The following DDX52 variants were observed in gnomAD, a reference collection of about 807,000 sequenced individuals.
DDX52 encodes the protein DExD-box helicase 52.
In DDX52, 59 loss-of-function variants were observed where a neutral mutation model predicts 76.1. The ratio of observed to expected loss-of-function variants is 0.78; its 90% CI spans 0.63 to 0.96. DDX52 has a LOEUF of 0.96. Ranked by LOEUF, DDX52 falls within the 40% of genes least tolerant of loss-of-function variation. The pLI is 0.00. For missense variants in DDX52, 707 were observed against 703.9 expected (o/e 1.00, Z -0.05); for synonymous variants, 231 against 244.1 (o/e 0.95, Z 0.50).
intron 9 of DDX52, among the ~76,000 whole-genome samples, chr17:37,622,762 A>G (rs545037464): frequency 7.9e-5 from 12 of 152,334 alleles, no homozygotes; most frequent in African/African-American, 2.6e-4. Flanking sequence ...TCTGGTGTAT[A>G]ATCTCCAAGG....
At chr17:37,624,533 A>C in intron 8 of DDX52, 99 bp from the exon 9 acceptor site, 1 of 813,318 alleles carries the variant, frequency 1.2e-6, no homozygotes, top group Non-Finnish European at 1.8e-6. Flanking sequence ...CTCCAACAAA[A>C]TCAATTTTTC....
At position 37,643,388 on chromosome 17, in the gene DDX52, G is replaced by T. The variant is rs763757095; in HGVS notation, c.33C>A (p.Gly11=). 1 of 1,613,922 alleles carries T rather than the reference G, an allele frequency of 6.2e-7. No homozygotes were observed. The highest frequency in any genetic ancestry group is 8.5e-7 in the Non-Finnish European group (1 of 1,179,904). MDVHDLFRRL[G]AGAKFDTRRF... ...GTCTCGTGTCGAATTTGGCCCCCGC[G>T]CCGAGCCGGCGAAAGAGATCGTGGA... Residue 11 remains glycine, a synonymous_variant, in exon 1 of 15, where the codon GGC becomes GGA. Coordinates refer to ENST00000617633, the MANE Select transcript of DDX52 (RefSeq NM_007010.5).
At chr17:37,619,701 G>GAAAAAAAAAA in intron 13 of DDX52, 67 bp downstream of exon 13, 1 of 1,161,914 alleles carries the variant, frequency 8.6e-7, no homozygotes, top group Non-Finnish European at 1.2e-6. Context: ...AACAGAGCAA[G>GAAAAAAAAAA]AAAAAAAAAA....
chr17:37,636,023 T>G (rs1027299691), intron 2 of DDX52, among the ~76,000 whole-genome samples: 5 of 152,244 alleles, frequency 3.3e-5, no homozygotes, highest in Non-Finnish European at 7.3e-5. Context: ...TGATATACAT[T>G]TTGCAAATAT....
chr17:37,632,947 G>A (rs752033013), intron 3 of DDX52, among the ~76,000 whole-genome samples: 6 of 152,066 alleles, frequency 3.9e-5, no homozygotes, highest in Admixed American at 1.3e-4. Context: ...CTTCTAAACC[G>A]GTGAGCTCAA....
Position 37,614,174 on chromosome 17 carries a change from CTTGTAG to C in DDX52, c.*116_*121del. 1 of 996,022 alleles carries C rather than the reference CTTGTAG, an allele frequency of 1.0e-6. No homozygotes were observed. Among genetic ancestry groups the C allele is most frequent in the South Asian group, 1.7e-5 (1 of 57,556 alleles). The allele number at this position is 996,022 out of a possible 1,614,324, so 61.7% of individuals were successfully genotyped here. On this transcript the variant is annotated 3_prime_UTR_variant, in exon 15 of 15. Coordinates refer to ENST00000617633, the MANE Select transcript of DDX52 (RefSeq NM_007010.5). ...GATCATTTATCACCAGTCCCATGTA[CTTGTAG>C]TTGATTTCAAATGTTTGGTACAGGT...
chr17:37,633,204 T>C, intron 3 of DDX52, 84 bp downstream of exon 3: 1 of 1,369,752 alleles, frequency 7.3e-7, no homozygotes, highest in Non-Finnish European at 9.6e-7. Context: ...ATATTCACAT[T>C]AACAACAGAA....
intron 8 of DDX52, among the ~76,000 whole-genome samples, chr17:37,625,378 T>C (rs958095616): frequency 6.6e-6 from 1 of 152,172 alleles, no homozygotes; most frequent in Non-Finnish European, 1.5e-5. Context: ...CTTAATATGG[T>C]ACTACAAACA....
chr17:37,610,463 G>C lies in DDX52; in HGVS notation c.*3833C>G, dbSNP rs2064311552. ...TTTCTTTTAATCAAACTACTGTCTG[G>C]AAGTAAAACATGAAAGTTGAGTAAT... is the stretch of plus-strand genomic sequence containing the variant. On this transcript the variant is annotated 3_prime_UTR_variant, in exon 15 of 15. Coordinates refer to ENST00000617633, the MANE Select transcript of DDX52 (RefSeq NM_007010.5). The C allele has an allele frequency of 6.6e-6, 1 of 152,000 alleles. No homozygotes were observed. The highest frequency in any genetic ancestry group is 1.5e-5 in the Non-Finnish European group (1 of 67,994). 9.4% of individuals were successfully genotyped at this position (152,000 alleles called of 1,614,324 possible). A position where few individuals can be genotyped will look rare whatever the true frequency, so the allele number is the denominator to read the frequency against.
intron 2 of DDX52, among the ~76,000 whole-genome samples, chr17:37,639,237 A>G (rs1378727133): frequency 5.3e-5 from 8 of 152,236 alleles, no homozygotes; most frequent in African/African-American, 1.9e-4. Flanking sequence ...GAAGAACGTA[A>G]TATGATAAGG....
At chr17:37,616,916 T>G (rs188617038) in intron 14 of DDX52, among the ~76,000 whole-genome samples, 136 of 152,310 alleles carry the variant, frequency 8.9e-4, no homozygotes, top group Admixed American at 1.4e-3. Context: ...CAAAGCACAC[T>G]CTAATTTTCA....
chr17:37,617,776 C>T (rs1202701824), intron 14 of DDX52, among the ~76,000 whole-genome samples: 2 of 152,040 alleles, frequency 1.3e-5, no homozygotes, highest in Non-Finnish European at 2.9e-5. Flanking sequence ...TAATATTTTC[C>T]AAGACGGAAA....
intron 5 of DDX52, among the ~76,000 whole-genome samples, chr17:37,629,342 G>C (rs975909551): frequency 1.3e-5 from 2 of 151,350 alleles, no homozygotes; most frequent in Non-Finnish European, 2.9e-5. Context: ...TGGGAGGGTA[G>C]AACAGATCAC....
intron 2 of DDX52, among the ~76,000 whole-genome samples, chr17:37,637,829 A>G (rs533930764): frequency 3.9e-5 from 6 of 151,928 alleles, no homozygotes; most frequent in African/African-American, 1.4e-4. Flanking sequence ...CCACCTCGGC[A>G]TCCCAAAGTG....
intron 4 of DDX52, 115 bp downstream of exon 4, chr17:37,631,998 A>G: frequency 6.9e-7 from 1 of 1,442,190 alleles, no homozygotes; most frequent in South Asian, 1.2e-5. Flanking sequence ...AAAGGAAGTG[A>G]AGGATTTTAA....
chr17:37,639,377 G>A lies in DDX52; in HGVS notation c.286+2733C>T, dbSNP rs1459300271. The stretch of plus-strand genomic sequence containing the variant: ...TAAAAAAATTTTGTTCCCTTTATGA[G>A]ACAGTTGGTACTAAATGACCCAAAT... On this transcript the variant is annotated intron_variant, in intron 2 of 14. Transcript: ENST00000617633. 5.1e-6 allele frequency: 5 copies of A among 986,308 alleles called. No individual in the cohort carries two copies. The East Asian group carries it at 4.5e-4, about 89-fold the overall frequency. The allele number at this position is 986,308 out of a possible 1,614,324, so 61.1% of individuals were successfully genotyped here.
rs1172749137 is a variant in DDX52, at chr17:37,612,063, AAT to A, written c.*2231_*2232del. ...TATATATCTAATATATATAATACAT[AAT>A]ATATATAATGTGTGTGTGTGTGTTT... is the stretch of plus-strand genomic sequence containing the variant. On this transcript the variant is annotated 3_prime_UTR_variant, in exon 15 of 15. Coordinates refer to ENST00000617633, the MANE Select transcript of DDX52 (RefSeq NM_007010.5). 1.3e-5 allele frequency: 2 copies of A among 149,848 alleles called. No homozygotes were observed. The highest frequency in any genetic ancestry group is 4.9e-5 in the African/African-American group (2 of 40,870). 9.3% of individuals were successfully genotyped at this position (149,848 alleles called of 1,614,324 possible).
intron 5 of DDX52, among the ~76,000 whole-genome samples, chr17:37,629,129 G>A (rs1488279560): frequency 6.6e-6 from 1 of 151,912 alleles, no homozygotes; most frequent in Non-Finnish European, 1.5e-5. Context: ...GCTGAGGCAG[G>A]AGAATCACTT....
chr17:37,625,871 T>A (rs1341111110), intron 8 of DDX52, 24 bp downstream of exon 8: 1 of 1,613,132 alleles, frequency 6.2e-7, no homozygotes, highest in South Asian at 1.1e-5. Context: ...ATCAGTGTGA[T>A]AATGTTGAGA....
Sources: gnomAD v4.1 joint callset for allele counts (sites outside exome capture counted in the v4.1 genomes callset) on GRCh38, gnomAD v4.1.1 for gene constraint, MANE v1.5 for transcripts, NCBI Gene and HGNC (gene_info 2026-07-23, HGNC 2026-07-21) for gene names.